GRM5: variants seen among roughly 807,000 people sequenced by gnomAD.
GRM5 encodes the protein glutamate metabotropic receptor 5, also known as metabotropic glutamate receptor 5.
In GRM5, 19 loss-of-function variants were observed where a neutral mutation model predicts 83.1. The ratio of observed to expected loss-of-function variants is 0.23; its 90% CI spans 0.16 to 0.34. GRM5 has a LOEUF of 0.34. GRM5 is among the 10% of genes least tolerant of loss of function. The probability of loss-of-function intolerance (pLI) is 1.00; values close to 1 mark genes in which losing one functional copy is unlikely to be tolerated. For missense variants in GRM5, 1,160 were observed against 1,588.3 expected, an observed-to-expected ratio of 0.73 and a Z score of 4.58; for synonymous variants, 675 against 633.6, an observed-to-expected ratio of 1.07 and a Z score of -0.98.
At chr11:88,550,630 T>A (rs960210198) in intron 8 of GRM5, among the ~76,000 whole-genome samples, 9 of 152,058 alleles carry the variant, frequency 5.9e-5, no homozygotes, top group African/African-American at 1.9e-4. Flanking sequence ...TGGCTTTATA[T>A]CTTCTGAAAG....
intron 4 of GRM5, among the ~76,000 whole-genome samples, chr11:88,623,890 T>C (rs1380521174): frequency 6.6e-6 from 1 of 152,228 alleles, no homozygotes; most frequent in Admixed American, 6.5e-5. Flanking sequence ...TTTAAATTAA[T>C]ACTATTTACT....
At chr11:89,046,370 C>T (rs1053837393) in intron 2 of GRM5, among the ~76,000 whole-genome samples, 1 of 151,834 alleles carries the variant, frequency 6.6e-6, no homozygotes, top group African/African-American at 2.4e-5. Flanking sequence ...GTTTAATATA[C>T]ACATTTTTTT....
chr11:88,730,397 G>A (rs1476413623), intron 3 of GRM5, among the ~76,000 whole-genome samples: 1 of 152,076 alleles, frequency 6.6e-6, no homozygotes, highest in Non-Finnish European at 1.5e-5. Flanking sequence ...TGGAGAAATA[G>A]GAATGCTTTC....
At chr11:88,920,114 G>T (rs2135626669) in intron 2 of GRM5, among the ~76,000 whole-genome samples, 1 of 151,858 alleles carries the variant, frequency 6.6e-6, no homozygotes, top group East Asian at 1.9e-4. Context: ...ATGAAAAGAT[G>T]GTTTTCTGAA....
At chr11:88,743,625 AG>A (rs1942073249) in intron 3 of GRM5, among the ~76,000 whole-genome samples, 1 of 152,128 alleles carries the variant, frequency 6.6e-6, no homozygotes, top group Non-Finnish European at 1.5e-5. Flanking sequence ...ATTCAGAGCC[AG>A]TGAGAGATAT....
chr11:88,915,461 GA>G (rs1301381998), intron 2 of GRM5, among the ~76,000 whole-genome samples: 1 of 152,034 alleles, frequency 6.6e-6, no homozygotes, highest in Admixed American at 6.6e-5. Context: ...AGGGGAAGGG[GA>G]TAAGTTCTTG....
chr11:88,669,839 TA>T (rs138769867), intron 3 of GRM5, among the ~76,000 whole-genome samples: 7,325 of 152,090 alleles, frequency 0.048, 170 homozygotes, highest in Middle Eastern at 0.075. Context: ...AATGTACAGT[TA>T]ATTCTCTTAA....
At chr11:88,781,635 G>A (rs1297905821) in intron 3 of GRM5, among the ~76,000 whole-genome samples, 2 of 152,190 alleles carry the variant, frequency 1.3e-5, no homozygotes, top group Admixed American at 6.5e-5. Flanking sequence ...AGGTCCATTT[G>A]TAAGGCAAGT....
intron 3 of GRM5, among the ~76,000 whole-genome samples, chr11:88,834,038 T>G (rs1944045869): frequency 6.6e-6 from 1 of 152,192 alleles, no homozygotes; most frequent in Admixed American, 6.5e-5. Flanking sequence ...AGAAAAACAT[T>G]CTAATGTTTG....
intron 4 of GRM5, among the ~76,000 whole-genome samples, chr11:88,614,773 A>T (rs1159068004): frequency 6.6e-6 from 1 of 152,198 alleles, no homozygotes; most frequent in Non-Finnish European, 1.5e-5. Flanking sequence ...TATATAAAGA[A>T]ACTAAGCTGT....
Position 88,680,518 on chromosome 11 carries a change from T to C in GRM5, c.912-27115A>G, listed in dbSNP as rs528515853. 2.0e-5 allele frequency among the ~76,000 whole-genome samples: 3 copies of C among 152,330 alleles called. No individual in the cohort carries two copies. The South Asian group carries it at 6.2e-4, about 32-fold the overall frequency. ...ATTTTGTGGAGAAATAGGAACACTT[T>C]TACACTGTTGTTGGGACTGTAAACT... On this transcript the variant is annotated intron_variant, in intron 3 of 9. Coordinates refer to ENST00000305447, the MANE Select transcript of GRM5 (RefSeq NM_001143831.3).
intron 2 of GRM5, among the ~76,000 whole-genome samples, chr11:88,917,161 G>A (rs1443930128): frequency 1.3e-5 from 2 of 152,178 alleles, no homozygotes; most frequent in Non-Finnish European, 2.9e-5. Context: ...GACACTGCTT[G>A]GGAGAAAGTA....
At chr11:88,636,679 C>G (rs931373112) in intron 4 of GRM5, among the ~76,000 whole-genome samples, 5 of 151,938 alleles carry the variant, frequency 3.3e-5, no homozygotes, top group African/African-American at 1.2e-4. Flanking sequence ...AGATAAACAC[C>G]ACTTGGTAAT....
rs1604814 is a variant in GRM5 at position 88,641,883 on chromosome 11, A to C, written c.1147+11285T>G. On this transcript the variant is annotated intron_variant, in intron 4 of 9. Coordinates refer to ENST00000305447, the MANE Select transcript of GRM5 (RefSeq NM_001143831.3). ...CTGTGACTTTTCCAAATGAAGGGTG[A>C]AAGTTGCCAGTGGATCTACCATTCT... Among the ~76,000 whole-genome samples the C allele has an allele frequency of 0.011, 1,617 of 152,254 alleles. 47 individuals are homozygous for C. In the East Asian group the frequency reaches 0.12, roughly 11 times the overall value.
At chr11:88,649,069 TAATATATAATACATATATTAA>T (rs1939550614) in intron 4 of GRM5, among the ~76,000 whole-genome samples, 1 of 144,936 alleles carries the variant, frequency 6.9e-6, no homozygotes, top group Non-Finnish European at 1.5e-5. Flanking sequence ...ATATATATTA[TAATATATAATACATATATTAA>T]AATATATAAT....
At chr11:88,586,174 C>T (rs1022547729) in intron 7 of GRM5, among the ~76,000 whole-genome samples, 26 of 151,872 alleles carry the variant, frequency 1.7e-4, no homozygotes, top group African/African-American at 6.3e-4. Context: ...GTAATCCTAC[C>T]ACCTGTAAAC....
intron 2 of GRM5, among the ~76,000 whole-genome samples, chr11:89,022,736 G>T (rs1941019409): frequency 1.3e-5 from 2 of 152,160 alleles, no homozygotes; most frequent in Non-Finnish European, 2.9e-5. Flanking sequence ...AGTCTGGCCT[G>T]GGAGGTAAAA....
chr11:88,576,138 C>T (rs11020496), intron 7 of GRM5, among the ~76,000 whole-genome samples: 8,088 of 152,114 alleles, frequency 0.053, 693 homozygotes, highest in African/African-American at 0.18. Flanking sequence ...AATAATAAAG[C>T]GTGCTGACTG....
At chr11:89,009,017 C>A (rs1940609200) in intron 2 of GRM5, 1 of 708,640 alleles carries the variant, frequency 1.4e-6, no homozygotes, top group Non-Finnish European at 2.6e-6. Context: ...TTACCTTTAG[C>A]CCTATTGTTT....
Sources: allele counts gnomAD v4.1 joint callset (sites outside exome capture counted in the v4.1 genomes callset), GRCh38; gene constraint gnomAD v4.1.1; transcripts MANE v1.5; gene names NCBI Gene and HGNC (gene_info 2026-07-23, HGNC 2026-07-21).